SETX: variants seen among roughly 807,000 people sequenced by gnomAD.
SETX encodes helicase senataxin.
A neutral mutation model predicts 227.2 loss-of-function variants in SETX; 90 were observed. The ratio of observed to expected loss-of-function variants is 0.40; its 90% CI spans 0.33 to 0.47. The LOEUF is 0.47. Ranked by LOEUF, SETX falls within the 20% of genes least tolerant of loss-of-function variation. SETX has a pLI of 0.91. For synonymous variants in SETX, 1,210 were observed against 1,113.2 expected, an observed-to-expected ratio of 1.09 and a Z score of -1.73; for missense variants, 3,052 against 3,181.5, an observed-to-expected ratio of 0.96 and a Z score of 0.98.
At chr9:132,293,720 T>C (rs1037779145) in intron 15 of SETX, among the ~76,000 whole-genome samples, 5 of 151,824 alleles carry the variant, frequency 3.3e-5, no homozygotes. Flanking sequence ...GTGCCCAGCC[T>C]GCTAATTAAA....
intron 17 of SETX, among the ~76,000 whole-genome samples, chr9:132,287,663 T>C (rs894694048): frequency 2.0e-5 from 3 of 151,208 alleles, no homozygotes; most frequent in Non-Finnish European, 2.9e-5. Flanking sequence ...CTAAAATCTT[T>C]ACTAGAATAT....
chr9:132,319,375 C>A (rs971088470), intron 10 of SETX, among the ~76,000 whole-genome samples: 3 of 152,128 alleles, frequency 2.0e-5, no homozygotes, highest in Non-Finnish European at 4.4e-5. Flanking sequence ...ATTACTATTC[C>A]CCCAGTCTAA....
At chr9:132,294,842 G>C (rs1844578505) in intron 15 of SETX, among the ~76,000 whole-genome samples, 1 of 152,218 alleles carries the variant, frequency 6.6e-6, no homozygotes, top group African/African-American at 2.4e-5. Flanking sequence ...CTCTAAGGCA[G>C]AGTAGCCATA....
Position 132,276,983 on chromosome 9 carries a change from T to C in SETX, c.6935+77A>G, listed in dbSNP as rs181950227. 9.4e-5 allele frequency: 116 copies of C among 1,236,820 alleles called. No individual in the cohort carries two copies. The Admixed American group carries it at 9.7e-4, about 10-fold the overall frequency. The allele number at this position is 1,236,820 out of a possible 1,614,324, so 76.6% of individuals were successfully genotyped here. A position where few individuals can be genotyped will look rare whatever the true frequency, so the allele number is the denominator to read the frequency against. On this transcript the variant is annotated intron_variant, in intron 22 of 25. Coordinates refer to ENST00000224140, the MANE Select transcript of SETX (RefSeq NM_015046.7). ...GGCAGAGAGATGTGTATAGGAAATG[T>C]ATTTAACAGAAATATGAATGCAAAT...
chr9:132,329,549 G>A lies in SETX; in HGVS notation c.2049C>T (p.Leu683=), dbSNP rs1847085695. ...YIKDVKLEDH[L]LAGSCLKQSS... ...TCTGCTTTAAGCATGACCCAGCTAA[G>A]AGATGGTCCTCTAGTTTCACATCCT... is the stretch of plus-strand genomic sequence containing the variant. Residue 683 remains leucine (L), a synonymous_variant, in exon 10 of 26, where the codon CTC becomes CTT. Transcript: ENST00000224140. 6 of 1,613,312 alleles carry A rather than the reference G, an allele frequency of 3.7e-6. No homozygotes were observed. Among genetic ancestry groups the A allele is most frequent in the East Asian group, 2.2e-5 (1 of 44,864 alleles).
intron 5 of SETX, among the ~76,000 whole-genome samples, chr9:132,338,170 C>G (rs1340948042): frequency 6.7e-6 from 1 of 149,794 alleles, no homozygotes; most frequent in Non-Finnish European, 1.5e-5. Flanking sequence ...CGGCTCACTG[C>G]AACCTCTGCC....
intron 20 of SETX, among the ~76,000 whole-genome samples, chr9:132,278,731 C>A (rs1424705748): frequency 6.6e-6 from 1 of 151,954 alleles, no homozygotes; most frequent in Non-Finnish European, 1.5e-5. Flanking sequence ...TGCTACAAGA[C>A]GCCACCCAAA....
rs1039062867 is a variant in SETX at position 132,262,692 on chromosome 9, A to G, written c.*1547T>C. On this transcript the variant is annotated 3_prime_UTR_variant, in exon 26 of 26. Transcript: ENST00000224140. Reference sequence around the variant, plus strand: ...ACACAGGTAATGAAATCAAATGCTCAAACTTTTGGCAACCGAAAGTTGTTT... The same window carrying G: ...ACACAGGTAATGAAATCAAATGCTCGAACTTTTGGCAACCGAAAGTTGTTT... The G allele has an allele frequency of 6.6e-6, 1 of 152,666 alleles. No homozygotes were observed. The highest frequency in any genetic ancestry group is 2.4e-5 in the African/African-American group (1 of 41,456). 9.5% of individuals were successfully genotyped at this position (152,666 alleles called of 1,614,324 possible).
At chr9:132,324,427 GAC>G (rs1366641005) in intron 10 of SETX, among the ~76,000 whole-genome samples, 2 of 152,112 alleles carry the variant, frequency 1.3e-5, no homozygotes, top group African/African-American at 4.8e-5. Flanking sequence ...TTTTGTAGTA[GAC>G]TTGTCCCTTT....
At chr9:132,291,947 GC>G (rs753512666) in intron 15 of SETX, among the ~76,000 whole-genome samples, 13 of 152,062 alleles carry the variant, frequency 8.5e-5, no homozygotes, top group Admixed American at 1.3e-4. Flanking sequence ...GCTCAGCTGG[GC>G]CAGGAAAAAT....
At chr9:132,283,177 T>C (rs1358719891) in intron 19 of SETX, 87 bp downstream of exon 19, 88 of 1,499,942 alleles carry the variant, frequency 5.9e-5, no homozygotes, top group Non-Finnish European at 7.8e-5. Flanking sequence ...AAAAAACACA[T>C]TTCCTCAACA....
chr9:132,296,012 T>C lies in SETX; in HGVS notation c.5966A>G (p.His1989Arg), dbSNP rs1844648417. 3.1e-6 allele frequency: 5 copies of C among 1,614,118 alleles called. No individual in the cohort carries two copies. Among genetic ancestry groups the C allele is most frequent in the Non-Finnish European group, 4.2e-6 (5 of 1,180,054 alleles). Residue 1989 changes from histidine to arginine, a missense_variant, in exon 15 of 26, where the codon CAT becomes CGT. His to Arg is a conservative substitution (Grantham distance 29). This residue lies in a region of SETX where 412 missense variants were observed against 589.0 expected (regional missense o/e 0.70). Coordinates refer to ENST00000224140, the MANE Select transcript of SETX (RefSeq NM_015046.7). ...RLLTENQRKG[H>R]SDENSNAKIK... The stretch of plus-strand genomic sequence containing the variant: ...TTTGGCATTGGAGTTTTCGTCTGAA[T>C]GCCCCTTCCTCTGGTTCTACAATTT...
At chr9:132,281,778 C>T (rs536665170) in intron 19 of SETX, among the ~76,000 whole-genome samples, 1 of 152,228 alleles carries the variant, frequency 6.6e-6, no homozygotes, top group African/African-American at 2.4e-5. Flanking sequence ...GTGGCTAACA[C>T]ACGTAATGCC....
chr9:132,275,827 G>T (rs1161137746), intron 22 of SETX, among the ~76,000 whole-genome samples: 5 of 152,190 alleles, frequency 3.3e-5, no homozygotes, highest in Admixed American at 3.3e-4. Flanking sequence ...TCCGAACACT[G>T]AGAAAATGCT....
At chr9:132,298,411 G>T (rs1844800474) in intron 12 of SETX, 99 bp from the exon 13 acceptor site, 4 of 1,028,698 alleles carry the variant, frequency 3.9e-6, no homozygotes, top group Admixed American at 1.9e-5. Context: ...ACATATTTTT[G>T]GATATTATTT....
chr9:132,326,275 A>C, intron 10 of SETX, 49 bp downstream of exon 10: 1 of 1,362,728 alleles, frequency 7.3e-7, no homozygotes, highest in Non-Finnish European at 1.0e-6. Context: ...CAAGGTAAAG[A>C]GGTAACTTGA....
chr9:132,313,423 A>G (rs901846063), intron 10 of SETX, among the ~76,000 whole-genome samples: 1 of 152,304 alleles, frequency 6.6e-6, no homozygotes, highest in South Asian at 2.1e-4. Context: ...ATTAACTTCT[A>G]CAGCAACCCC....
At chr9:132,298,384 A>G (rs1844799645) in intron 12 of SETX, 72 bp from the exon 13 acceptor site, 2 of 1,210,412 alleles carry the variant, frequency 1.7e-6, no homozygotes, top group Non-Finnish European at 1.2e-6. Flanking sequence ...AAGGTCATGC[A>G]GAATTAGGTA....
chr9:132,311,865 A>G lies in SETX; in HGVS notation c.5275-9T>C. 6.3e-7 allele frequency: 1 copy of G among 1,591,526 alleles called. No homozygotes were observed. The highest frequency in any genetic ancestry group is 1.1e-5 in the South Asian group (1 of 90,464). The stretch of plus-strand genomic sequence containing the variant: ...AGCCATTCTTGTGCCACCTATACAA[A>G]GCACAAAAGCAAATTAAGAAAGCAA... On this transcript the variant is annotated splice_polypyrimidine_tract_variant and intron_variant, in intron 10 of 25. Transcript: ENST00000224140.
Sources: allele counts gnomAD v4.1 joint callset (sites outside exome capture counted in the v4.1 genomes callset), GRCh38; gene constraint gnomAD v4.1.1; regional missense constraint gnomAD v4.1.1; transcripts MANE v1.5; gene names NCBI Gene and HGNC (gene_info 2026-07-23, HGNC 2026-07-21).